Variants in SCAF11 observed in about 807,000 individuals in gnomAD.
SCAF11 encodes the protein protein SCAF11.
In SCAF11, 47 loss-of-function variants were observed where a neutral mutation model predicts 140.5. The ratio of observed to expected loss-of-function variants is 0.33; its 90% CI spans 0.26 to 0.43. SCAF11 has a LOEUF of 0.43. Among genes scored for constraint, SCAF11 ranks in the 20% least tolerant of loss-of-function variants. SCAF11 has a pLI of 1.00. For synonymous variants in SCAF11, 557 were observed against 579.4 expected, an observed-to-expected ratio of 0.96 and a Z score of 0.55; for missense variants, 1,645 against 1,705.1, an observed-to-expected ratio of 0.96 and a Z score of 0.62.
chr12:45,923,856 ATT>A (rs1030029259), intron 12 of SCAF11, among the ~76,000 whole-genome samples: 1 of 145,028 alleles, frequency 6.9e-6, no homozygotes. Context: ...TAATTTTTGT[ATT>A]TTTTTTTTTC....
At chr12:45,988,666 TACAGTTTTCTTCC>T (rs1289742803) in intron 1 of SCAF11, among the ~76,000 whole-genome samples, 9 of 152,244 alleles carry the variant, frequency 5.9e-5, no homozygotes, top group Non-Finnish European at 1.3e-4. Context: ...AATTTTCTTC[TACAGTTTTCTTCC>T]CCTTTATACT....
At position 45,926,764 on chromosome 12, in the gene SCAF11, T is replaced by TCGTGGA. The variant is rs1411701617; in HGVS notation, c.2931_2936dup (p.Pro978_Arg979dup). The TCGTGGA allele has an allele frequency of 6.2e-7, 1 of 1,614,052 alleles. No individual in the cohort carries two copies. Among genetic ancestry groups the TCGTGGA allele is most frequent in the Non-Finnish European group, 8.5e-7 (1 of 1,180,026 alleles). ...CATTCTTTCTGTACCGATCATTTCCTCGTGGACATCTCCAACCATCATTTG... is the reference window on the plus strand; with the variant it reads ...CATTCTTTCTGTACCGATCATTTCCTCGTGGACGTGGACATCTCCAACCATCATTTG... On this transcript the variant is annotated inframe_insertion, in exon 11 of 15. Transcript: ENST00000369367.
At chr12:45,970,807 TC>T (rs1946054863) in intron 1 of SCAF11, among the ~76,000 whole-genome samples, 2 of 152,238 alleles carry the variant, frequency 1.3e-5, no homozygotes, top group Non-Finnish European at 2.9e-5. Context: ...CATTTACAGG[TC>T]TTTTAATAAA....
intron 11 of SCAF11, among the ~76,000 whole-genome samples, chr12:45,925,382 G>A (rs1207327857): frequency 6.6e-6 from 1 of 151,970 alleles, no homozygotes; most frequent in Non-Finnish European, 1.5e-5. Flanking sequence ...GTGAAACCCC[G>A]TCTCTACTAA....
chr12:45,934,068 G>C, intron 8 of SCAF11, 108 bp downstream of exon 8: 1 of 588,962 alleles, frequency 1.7e-6, no homozygotes, highest in South Asian at 3.6e-5. Flanking sequence ...AAACAACCAG[G>C]TGGGCCTTTC....
intron 3 of SCAF11, among the ~76,000 whole-genome samples, chr12:45,960,299 G>A (rs542108241): frequency 1.2e-4 from 19 of 152,004 alleles, no homozygotes; most frequent in Admixed American, 9.2e-4. Flanking sequence ...CATATACTCC[G>A]ATTAAGTTGT....
In SCAF11 at chr12:45,927,041, G is replaced by T. The variant is rs1314324272; in HGVS notation, c.2660C>A (p.Thr887Asn). Residue 887 changes from threonine to asparagine, a missense_variant, in exon 11 of 15, where the codon ACT (threonine) becomes AAT (asparagine). Thr to Asn is a moderately conservative substitution (Grantham distance 65, BLOSUM62 0). Transcript: ENST00000369367. ...CTGAGATCTTTTGTTCTCTCTAGAA[G>T]TTTCTCTTCTTGGGGACAGTGATTC... ...RSESLSPRRE[T>N]SRENKRSQPR... 2 of 1,614,036 alleles carry T rather than the reference G, an allele frequency of 1.2e-6. No individual in the cohort carries two copies. Among genetic ancestry groups the T allele is most frequent in the Middle Eastern group, 1.6e-4 (1 of 6,062 alleles).
At chr12:45,991,659 GGTT>G (rs932861333), upstream of SCAF11, among the ~76,000 whole-genome samples, 2 of 152,178 alleles carry the variant, frequency 1.3e-5, no homozygotes, top group African/African-American at 4.8e-5. Flanking sequence ...TCCCCCGGCG[GGTT>G]GTTAAATGTT....
chr12:45,933,161 C>T lies in SCAF11; in HGVS notation c.704G>A (p.Trp235Ter). ...RQKRHELELS[W>*]FPDTLPGIGR... ...AATTCCAGGTAATGTATCAGGAAAC[C>T]ATGACAATTCCAGTTCATGTCTCTT... Residue 235 changes from tryptophan (W) to a stop codon, truncating the protein, a stop_gained, in exon 9 of 15, where the codon TGG (tryptophan) becomes TAG (stop). Coordinates refer to ENST00000369367, the MANE Select transcript of SCAF11 (RefSeq NM_004719.3). LOFTEE classifies it high-confidence loss of function. 6.2e-7 allele frequency: 1 copy of T among 1,610,472 alleles called. No individual in the cohort carries two copies. Among genetic ancestry groups the T allele is most frequent in the Non-Finnish European group, 8.5e-7 (1 of 1,178,398 alleles).
At chr12:45,923,524 G>C (rs1040317805) in intron 12 of SCAF11, among the ~76,000 whole-genome samples, 3 of 152,122 alleles carry the variant, frequency 2.0e-5, no homozygotes, top group Non-Finnish European at 2.9e-5. Flanking sequence ...AAATAAGGCA[G>C]TAAAGTCAAA....
chr12:45,941,180 T>A (rs1002395031), intron 6 of SCAF11, among the ~76,000 whole-genome samples: 1 of 152,152 alleles, frequency 6.6e-6, no homozygotes, highest in Non-Finnish European at 1.5e-5. Flanking sequence ...GATGAGTAGA[T>A]CTTATTTGTA....
rs767838621 is a variant in SCAF11 at position 45,924,794 on chromosome 12, T to C, written c.3840A>G (p.Pro1280=). 1.3e-6 allele frequency: 1 copy of C among 798,364 alleles called. No homozygotes were observed. Among genetic ancestry groups the C allele is most frequent in the Admixed American group, 2.0e-5 (1 of 50,516 alleles). 49.5% of individuals were successfully genotyped at this position (798,364 alleles called of 1,614,324 possible). A position where few individuals can be genotyped will look rare whatever the true frequency, so the allele number is the denominator to read the frequency against. ...TSVSQGLPPP[P]PPPPPSQQVN... Reference sequence around the variant, plus strand: ...CTTGTTGGGATGGTGGGGGAGGGGGTGGTGGTGGTGGTAGTCCCTGAGATA... The same window carrying C: ...CTTGTTGGGATGGTGGGGGAGGGGGCGGTGGTGGTGGTAGTCCCTGAGATA... The change falls in exon 12 of 15, where the codon CCA becomes CCG. Residue 1280 remains proline, a synonymous_variant. Transcript: ENST00000369367.
chr12:45,987,507 C>A (rs1347736224), intron 1 of SCAF11, among the ~76,000 whole-genome samples: 1 of 152,136 alleles, frequency 6.6e-6, no homozygotes, highest in East Asian at 1.9e-4. Context: ...AGAAAATAAA[C>A]AATAAACCTA....
rs772002831 is a variant in SCAF11, at chr12:45,961,847, G to A, written c.72C>T (p.Asn24=). 3.9e-5 allele frequency: 63 copies of A among 1,597,920 alleles called. No homozygotes were observed. The highest frequency in any genetic ancestry group is 3.8e-4 in the East Asian group (17 of 44,236). ...GACCAGTGGAAATAGTATTATCTCC[G>A]TTTTCTTCACCTGTTAAAGTAAAAC... is the stretch of plus-strand genomic sequence containing the variant. ...KKYEDMEGEE[N]GDNTISTGLL... is the part of the protein sequence containing the mutation. Residue 24 remains asparagine (N), a synonymous_variant, in exon 3 of 15, where the codon AAC becomes AAT. Transcript: ENST00000369367.
intron 6 of SCAF11, among the ~76,000 whole-genome samples, chr12:45,941,785 C>T (rs1296640731): frequency 1.3e-5 from 2 of 152,190 alleles, no homozygotes; most frequent in African/African-American, 2.4e-5. Context: ...CTTTCAAGTA[C>T]GATGCAGCTG....
chr12:45,991,778 C>G (rs1946617280), upstream of SCAF11: 23 of 803,542 alleles, frequency 2.9e-5, no homozygotes, highest in Non-Finnish European at 3.7e-5. Context: ...CTCTGCCTGC[C>G]CTCAGTGTCC....
rs553397312 is a variant in SCAF11 at position 45,957,250 on chromosome 12, T to C, written c.219+4450A>G. ...AAATTAGAATTTGAGGAAAAATTGA[T>C]TGAAAATTCCAGATAATAAAGCTTT... On this transcript the variant is annotated intron_variant, in intron 3 of 14. Coordinates refer to ENST00000369367, the MANE Select transcript of SCAF11 (RefSeq NM_004719.3). Among the ~76,000 whole-genome samples, 4 of 152,274 alleles carry C rather than the reference T, an allele frequency of 2.6e-5. No homozygotes were observed. In the South Asian group the frequency reaches 8.3e-4, roughly 32 times the overall value.
chr12:45,964,327 A>G, intron 1 of SCAF11, 139 bp from the exon 2 acceptor site: 1 of 565,862 alleles, frequency 1.8e-6, no homozygotes. Flanking sequence ...TGGATAATCC[A>G]GTACTCTTTT....
intron 11 of SCAF11, among the ~76,000 whole-genome samples, chr12:45,925,701 C>G (rs1387355307): frequency 6.6e-6 from 1 of 151,470 alleles, no homozygotes; most frequent in East Asian, 1.9e-4. Context: ...TCAATTTTTA[C>G]ATCTTCAACA....
Sources: allele counts gnomAD v4.1 joint callset (sites outside exome capture counted in the v4.1 genomes callset), GRCh38; gene constraint gnomAD v4.1.1; transcripts MANE v1.5; gene names NCBI Gene and HGNC (gene_info 2026-07-23, HGNC 2026-07-21).